Variants in NMT2 observed in about 807,000 individuals in gnomAD.
NMT2 encodes the protein N-myristoyltransferase 2, also known as glycylpeptide N-tetradecanoyltransferase 2.
A neutral mutation model predicts 65.4 loss-of-function variants in NMT2; 35 were observed. The ratio of observed to expected loss-of-function variants is 0.54; its 90% CI spans 0.41 to 0.71. NMT2 has a LOEUF of 0.71. Ranked by LOEUF, NMT2 falls within the 30% of genes least tolerant of loss-of-function variation. The probability of loss-of-function intolerance (pLI) is 0.00; values close to 1 mark genes in which losing one functional copy is unlikely to be tolerated. For synonymous variants in NMT2, 226 were observed against 231.8 expected (o/e 0.98, Z 0.23); for missense variants, 489 against 611.3 (o/e 0.80, Z 2.11).
At chr10:15,135,242 G>C in intron 3 of NMT2, 32 bp downstream of exon 3, 1 of 1,608,176 alleles carries the variant, frequency 6.2e-7, no homozygotes, top group Non-Finnish European at 8.5e-7. Context: ...CTTTGTTTGT[G>C]GGGAAAAAAA....
chr10:15,135,992 C>A (rs1038843009), intron 2 of NMT2, among the ~76,000 whole-genome samples: 1 of 151,730 alleles, frequency 6.6e-6, no homozygotes, highest in Non-Finnish European at 1.5e-5. Context: ...TTTGGGAGGC[C>A]GAGGTGGGCA....
intron 1 of NMT2, among the ~76,000 whole-genome samples, chr10:15,162,844 T>A (rs1258045630): frequency 1.3e-5 from 2 of 148,404 alleles, no homozygotes; most frequent in East Asian, 3.9e-4. Context: ...TATCTCTATA[T>A]ATTTGATATT....
chr10:15,137,992 C>T (rs1312464606), intron 2 of NMT2, among the ~76,000 whole-genome samples: 1 of 147,414 alleles, frequency 6.8e-6, no homozygotes, highest in Non-Finnish European at 1.5e-5. Flanking sequence ...TGCTTTCTTT[C>T]TTCTTCTTCT....
intron 3 of NMT2, 118 bp from the exon 4 acceptor site, chr10:15,133,481 G>A: frequency 1.4e-6 from 1 of 726,812 alleles, no homozygotes; most frequent in Non-Finnish European, 2.4e-6. Flanking sequence ...AGGGCCCTCG[G>A]GTTTCAGATA....
chr10:15,140,068 C>T (rs1320389838), intron 2 of NMT2, among the ~76,000 whole-genome samples: 1 of 151,638 alleles, frequency 6.6e-6, no homozygotes, highest in African/African-American at 2.4e-5. Flanking sequence ...AGAGACCAAG[C>T]TCAAGGTCTC....
intron 9 of NMT2, among the ~76,000 whole-genome samples, chr10:15,115,209 T>A (rs1161938920): frequency 6.6e-6 from 1 of 152,178 alleles, no homozygotes; most frequent in African/African-American, 2.4e-5. Flanking sequence ...TTGGGCTACA[T>A]ATAATAAATT....
intron 1 of NMT2, among the ~76,000 whole-genome samples, chr10:15,163,365 TAACA>T (rs1417270639): frequency 2.6e-5 from 4 of 152,232 alleles, no homozygotes; most frequent in East Asian, 1.9e-4. Context: ...ACATTTGCAC[TAACA>T]AACAAAGATG....
intron 7 of NMT2, among the ~76,000 whole-genome samples, chr10:15,128,867 C>T (rs539154180): frequency 2.6e-5 from 4 of 151,786 alleles, no homozygotes; most frequent in African/African-American, 7.3e-5. Flanking sequence ...TAGCCAGGCA[C>T]GGTGGTGTGC....
chr10:15,155,396 TCTCA>T, intron 1 of NMT2: 1 of 611,598 alleles, frequency 1.6e-6, no homozygotes, highest in South Asian at 1.8e-5. Context: ...AGAGATTGGG[TCTCA>T]CTCTGTCATC....
chr10:15,146,082 G>A (rs1477849397), intron 1 of NMT2, among the ~76,000 whole-genome samples: 2 of 152,076 alleles, frequency 1.3e-5, no homozygotes, highest in Non-Finnish European at 2.9e-5. Context: ...AGATTCCTCG[G>A]TCTTCAAGAA....
At chr10:15,148,994 G>C (rs1274034249) in intron 1 of NMT2, among the ~76,000 whole-genome samples, 1 of 152,118 alleles carries the variant, frequency 6.6e-6, no homozygotes, top group African/African-American at 2.4e-5. Flanking sequence ...ACATGCTGTT[G>C]GTAAAATGTA....
At chr10:15,158,432 T>C (rs576376529) in intron 1 of NMT2, among the ~76,000 whole-genome samples, 1 of 152,138 alleles carries the variant, frequency 6.6e-6, no homozygotes, top group Non-Finnish European at 1.5e-5. Flanking sequence ...ACAGCCAAAG[T>C]CCTCTCAATG....
In NMT2 at chr10:15,119,417, G is replaced by C; in HGVS notation, c.1096C>G (p.Pro366Ala). The change falls in exon 9 of 12, where the codon CCA becomes GCA. Residue 366 changes from proline to alanine, a missense_variant. Transcript: ENST00000378165. ...NTYLKQFHLA[P>A]VMDEEEVAHW... ...GCTACTTCCTCTTCATCCATCACTGGAGCCAGATGAAACTGCTTCAGGTAA... is the reference window on the plus strand; with the variant it reads ...GCTACTTCCTCTTCATCCATCACTGCAGCCAGATGAAACTGCTTCAGGTAA... The C allele has an allele frequency of 6.2e-7, 1 of 1,614,136 alleles. No homozygotes were observed. The highest frequency in any genetic ancestry group is 1.1e-5 in the South Asian group (1 of 91,082).
In NMT2 at chr10:15,113,266, C is replaced by T. The variant is rs992444560; in HGVS notation, c.1171-303G>A. 6.0e-5 allele frequency among the ~76,000 whole-genome samples: 9 copies of T among 151,224 alleles called. No homozygotes were observed. In the South Asian group the frequency reaches 6.3e-4, roughly 11 times the overall value. Reference sequence around the variant, plus strand: ...CGTGTGGATCATGAGGTCAGGAGTTCGAGACCAGCCTGACCAACATGGTGA... The same window carrying T: ...CGTGTGGATCATGAGGTCAGGAGTTTGAGACCAGCCTGACCAACATGGTGA... On this transcript the variant is annotated intron_variant, in intron 9 of 11. Coordinates refer to ENST00000378165, the MANE Select transcript of NMT2 (RefSeq NM_004808.3).
intron 1 of NMT2, among the ~76,000 whole-genome samples, chr10:15,147,150 G>A (rs574741632): frequency 7.7e-6 from 1 of 129,152 alleles, no homozygotes; most frequent in African/African-American, 2.8e-5. Context: ...CATCAAAGGA[G>A]CTCAATTTTT....
intron 1 of NMT2, among the ~76,000 whole-genome samples, chr10:15,153,904 C>CA (rs1832897206): frequency 6.6e-6 from 1 of 152,034 alleles, no homozygotes; most frequent in Non-Finnish European, 1.5e-5. Context: ...CCACCCGCCT[C>CA]GCCCCCCAAA....
At position 15,136,061 on chromosome 10, in the gene NMT2, T is replaced by G. The variant is rs151335827; in HGVS notation, c.247-643A>C. Reference sequence around the variant, plus strand: ...TGGCCAACACGGTGAAACCTTGTCTTTACAACAATACAAAAATTAGCCAGG... The same window carrying G: ...TGGCCAACACGGTGAAACCTTGTCTGTACAACAATACAAAAATTAGCCAGG... On this transcript the variant is annotated intron_variant, in intron 2 of 11. Coordinates refer to ENST00000378165, the MANE Select transcript of NMT2 (RefSeq NM_004808.3). 3.8e-3 allele frequency among the ~76,000 whole-genome samples: 577 copies of G among 151,806 alleles called. 5 individuals carry two copies. Among genetic ancestry groups the G allele is most frequent in the Middle Eastern group, 0.017 (5 of 294 alleles).
In NMT2 at chr10:15,125,628, TTGTATGTATGTA is replaced by T. The variant is rs200867857; in HGVS notation, c.999+2710_999+2721del. Among the ~76,000 whole-genome samples, 3 of 152,020 alleles carry T rather than the reference TTGTATGTATGTA, an allele frequency of 2.0e-5. 1 individual carries two copies. The highest frequency in any genetic ancestry group is 2.0e-4 in the Admixed American group (3 of 15,236). ...TGAAAAAAAGAGGCATTTTTGAAGT[TTGTATGTATGTA>T]TGTATGTATGTACGTATGTATTTAG... On this transcript the variant is annotated intron_variant, in intron 8 of 11. Transcript: ENST00000378165.
At position 15,132,875 on chromosome 10, in the gene NMT2, T is replaced by C; in HGVS notation, c.661A>G (p.Asn221Asp). Residue 221 changes from asparagine (N) to aspartate (D), a missense_variant, in exon 6 of 12, where the codon AAT becomes GAT. Transcript: ENST00000378165. ...QWHCGVRVSS[N>D]KKLVGFISAI... is the part of the protein sequence containing the mutation. ...CTTATGAACCCGACCAGTTTTTTAT[T>C]TGAAGACACTCTGACCCCACAGTGC... 6.2e-7 allele frequency: 1 copy of C among 1,614,064 alleles called. No individual in the cohort carries two copies. Among genetic ancestry groups the C allele is most frequent in the South Asian group, 1.1e-5 (1 of 91,074 alleles).
Sources: gnomAD v4.1 joint callset for allele counts (sites outside exome capture counted in the v4.1 genomes callset) on GRCh38, gnomAD v4.1.1 for gene constraint, MANE v1.5 for transcripts, NCBI Gene and HGNC (gene_info 2026-07-23, HGNC 2026-07-21) for gene names.